Variants in SORBS2 observed in about 807,000 individuals in gnomAD.
SORBS2 encodes sorbin and SH3 domain-containing protein 2.
A neutral mutation model predicts 97.7 loss-of-function variants in SORBS2; 46 were observed. That is an observed-to-expected ratio of 0.47 (90% CI 0.37 to 0.60). The LOEUF is 0.60. SORBS2 is among the 20% of genes least tolerant of loss of function. The pLI, the probability that SORBS2 is intolerant of heterozygous loss-of-function variation, is 0.00. For synonymous variants in SORBS2, 476 were observed against 473.4 expected, an observed-to-expected ratio of 1.01 and a Z score of -0.07; for missense variants, 1,316 against 1,282.3, an observed-to-expected ratio of 1.03 and a Z score of -0.40.
chr4:185,870,523 C>T (rs1369163595), intron 1 of SORBS2, among the ~76,000 whole-genome samples: 1 of 152,230 alleles, frequency 6.6e-6, no homozygotes. Flanking sequence ...ATATCTGTGT[C>T]TCTAATGAGA....
At chr4:185,740,761 A>G (rs1314876215) in intron 2 of SORBS2, among the ~76,000 whole-genome samples, 3 of 144,486 alleles carry the variant, frequency 2.1e-5, no homozygotes, top group South Asian at 2.1e-4. Context: ...GCTCAGCCCA[A>G]CGCTAACTCA....
chr4:185,656,747 G>T (rs2097412546), exon 1 of SORBS2: 2 of 1,531,562 alleles, frequency 1.3e-6, no homozygotes, highest in Admixed American at 4.1e-5. Flanking sequence ...TGCTACTGCT[G>T]CGTTTTGCCG....
chr4:185,589,469 C>T (rs1580373254), intron 14 of SORBS2, among the ~76,000 whole-genome samples: 1 of 152,108 alleles, frequency 6.6e-6, no homozygotes, highest in Non-Finnish European at 1.5e-5. Context: ...AAATAAAGCT[C>T]GCAGAAAATC....
intron 2 of SORBS2, chr4:185,771,956 A>T: frequency 6.6e-6 from 1 of 152,188 alleles, no homozygotes; most frequent in Non-Finnish European, 1.5e-5. Context: ...TCATATTTTC[A>T]TTGGAGATTA....
At chr4:185,686,037 T>C (rs186117376) in intron 2 of SORBS2, among the ~76,000 whole-genome samples, 349 of 152,330 alleles carry the variant, frequency 2.3e-3, no homozygotes, top group Non-Finnish European at 3.7e-3. Flanking sequence ...CTCTGTAATA[T>C]GGCATGGCAA....
At chr4:185,676,170 T>A (rs1457556131) in intron 4 of SORBS2, among the ~76,000 whole-genome samples, 5 of 152,240 alleles carry the variant, frequency 3.3e-5, no homozygotes, top group Non-Finnish European at 5.9e-5. Flanking sequence ...AATTCCCTAG[T>A]CTTACCATAA....
In SORBS2 at chr4:185,801,757, T is replaced by G. The variant is rs28626323; in HGVS notation, c.-337-26391A>C. ...TTCCATGTGCTTTAATCTCAGCACT[T>G]TAGCAACTGTCAAGAACAAAGTTCT... On this transcript the variant is annotated intron_variant, in intron 1 of 20. Transcript: ENST00000284776. Among the ~76,000 whole-genome samples, 512 of 152,284 alleles carry G rather than the reference T, an allele frequency of 3.4e-3. 5 individuals are homozygous for G. Among genetic ancestry groups the G allele is most frequent in the African/African-American group, 0.012 (490 of 41,560 alleles).
Position 185,620,171 on chromosome 4 carries a change from C to T in SORBS2, c.2216-20G>A, listed in dbSNP as rs1445806903. On this transcript the variant is annotated intron_variant, in intron 7 of 14. Coordinates refer to ENST00000418609, the Ensembl canonical transcript of SORBS2. Reference sequence around the variant, plus strand: ...CACGGTCTATTGGAAAGAACAGGGCCAGTCATGGTGAGTATCCACTTAATT... The same window carrying T: ...CACGGTCTATTGGAAAGAACAGGGCTAGTCATGGTGAGTATCCACTTAATT... The T allele has an allele frequency of 1.3e-6, 2 of 1,486,986 alleles. No individual in the cohort carries two copies. The highest frequency in any genetic ancestry group is 1.9e-6 in the Non-Finnish European group (2 of 1,063,770). 92.1% of individuals were successfully genotyped at this position (1,486,986 alleles called of 1,614,324 possible).
chr4:185,935,705 T>C (rs1304422583), intron 1 of SORBS2, among the ~76,000 whole-genome samples: 1 of 152,112 alleles, frequency 6.6e-6, no homozygotes. Context: ...GTTTTTGAGA[T>C]ATGTATATGG....
chr4:185,911,001 T>A (rs961386082), intron 1 of SORBS2, among the ~76,000 whole-genome samples: 6 of 152,062 alleles, frequency 3.9e-5, no homozygotes, highest in African/African-American at 1.4e-4. Flanking sequence ...AAAACTATTA[T>A]GCATTGAGTC....
chr4:185,602,908 G>A lies in SORBS2; in HGVS notation c.2796+8872C>T, dbSNP rs144846094. On this transcript the variant is annotated intron_variant, in intron 12 of 14. Coordinates refer to ENST00000418609, the Ensembl canonical transcript of SORBS2. The stretch of plus-strand genomic sequence containing the variant: ...TATAAGGTTTAAAAAAACTCAGTGG[G>A]AGATTCAAAAATTGAGATTTCCTCC... Among the ~76,000 whole-genome samples the A allele has an allele frequency of 2.2e-3, 338 of 152,278 alleles. 3 individuals are homozygous for A. Among genetic ancestry groups the A allele is most frequent in the African/African-American group, 7.7e-3 (322 of 41,552 alleles).
intron 1 of SORBS2, among the ~76,000 whole-genome samples, chr4:185,953,265 G>A (rs2099278055): frequency 6.6e-6 from 1 of 152,234 alleles, no homozygotes; most frequent in Non-Finnish European, 1.5e-5. Flanking sequence ...AGTGAGCCGA[G>A]ATTGCGCCAC....
intron 1 of SORBS2, among the ~76,000 whole-genome samples, chr4:185,925,206 G>A (rs2099263029): frequency 6.6e-6 from 1 of 152,106 alleles, no homozygotes; most frequent in Non-Finnish European, 1.5e-5. Context: ...GGCCACTTTG[G>A]ACTTTTTCCC....
rs114484156 is a variant in SORBS2, at chr4:185,673,056, G to A, written c.-46+5367C>T. Among the ~76,000 whole-genome samples, 348 of 152,306 alleles carry A rather than the reference G, an allele frequency of 2.3e-3. 3 individuals are homozygous for A. The highest frequency in any genetic ancestry group is 8.1e-3 in the African/African-American group (336 of 41,566). On this transcript the variant is annotated intron_variant, in intron 4 of 20. Coordinates refer to the SORBS2 transcript ENST00000284776. ...CAGCCTTAAAAAAGATGGATGTCCT[G>A]CCACATGCTGTAACATGGAGCAATC... is the stretch of plus-strand genomic sequence containing the variant.
chr4:185,811,232 A>G (rs981225311), intron 1 of SORBS2: 1 of 152,208 alleles, frequency 6.6e-6, no homozygotes, highest in Non-Finnish European at 1.5e-5. Flanking sequence ...AGCTGTGTTA[A>G]GAGTTAAATA....
chr4:185,708,298 G>C (rs6552913), intron 2 of SORBS2, among the ~76,000 whole-genome samples: 49,857 of 152,140 alleles, frequency 0.33, 8,385 homozygotes, highest in African/African-American at 0.4. Context: ...AATAACTCAC[G>C]ATAAATAAAT....
At chr4:185,626,779 C>T (rs754910724) in intron 6 of SORBS2, 53 bp downstream of exon 18, 4 of 1,573,868 alleles carry the variant, frequency 2.5e-6, no homozygotes, top group Non-Finnish European at 2.6e-6. Flanking sequence ...ACACAGTGCT[C>T]TAGGCTAAAA....
chr4:185,842,570 GA>G (rs534670052), intron 1 of SORBS2, among the ~76,000 whole-genome samples: 112 of 152,226 alleles, frequency 7.4e-4, no homozygotes, highest in African/African-American at 2.6e-3. Flanking sequence ...GATTTGTGTT[GA>G]AAAATAGTCA....
chr4:185,956,314 G>C (rs1032693607), exon 1 of SORBS2: 1 of 152,228 alleles, frequency 6.6e-6, no homozygotes, highest in Admixed American at 6.5e-5. Flanking sequence ...TGTAGCCGCA[G>C]CCAGCCTAGG....
Sources: gnomAD v4.1 joint callset for allele counts (sites outside exome capture counted in the v4.1 genomes callset) on GRCh38, gnomAD v4.1.1 for gene constraint, MANE v1.5 for transcripts, NCBI Gene and HGNC (gene_info 2026-07-23, HGNC 2026-07-21) for gene names.